The following CSMD1 variants were observed in gnomAD, a reference collection of about 807,000 sequenced individuals.
The protein encoded by CSMD1 is CUB and sushi domain-containing protein 1.
CSMD1 carries 213 observed loss-of-function variants against 417.5 expected under a neutral mutation model. The ratio of observed to expected loss-of-function variants is 0.51; its 90% CI spans 0.46 to 0.57. CSMD1 has a LOEUF of 0.57. Among genes scored for constraint, CSMD1 ranks in the 20% least tolerant of loss-of-function variants. CSMD1 has a pLI of 0.00. For missense variants in CSMD1, 6,923 were observed against 4,529.7 expected (o/e 1.53, Z -15.17); for synonymous variants, 2,862 against 1,736.8 (o/e 1.65, Z -16.11).
intron 1 of CSMD1, among the ~76,000 whole-genome samples, chr8:4,792,961 A>G (rs1395553799): frequency 7.7e-6 from 1 of 130,078 alleles, no homozygotes; most frequent in Non-Finnish European, 1.6e-5. Context: ...TATATGGAAT[A>G]TATGTGTATA....
intron 8 of CSMD1, among the ~76,000 whole-genome samples, chr8:3,611,167 G>C: frequency 6.6e-6 from 1 of 151,548 alleles, no homozygotes; most frequent in Admixed American, 6.6e-5. Flanking sequence ...CACCAGCATG[G>C]CACATGTATA....
At chr8:4,785,858 G>C (rs543226461) in intron 1 of CSMD1, among the ~76,000 whole-genome samples, 1 of 152,240 alleles carries the variant, frequency 6.6e-6, no homozygotes, top group African/African-American at 2.4e-5. Context: ...TGTTCTTCAT[G>C]ATCCTAAGAC....
At chr8:3,212,744 C>G (rs1797686262) in intron 30 of CSMD1, among the ~76,000 whole-genome samples, 1 of 151,838 alleles carries the variant, frequency 6.6e-6, no homozygotes, top group Non-Finnish European at 1.5e-5. Flanking sequence ...AGAGAATGGA[C>G]TTAGAAACAT....
At chr8:3,639,916 C>A (rs1797224028) in intron 7 of CSMD1, among the ~76,000 whole-genome samples, 2 of 151,968 alleles carry the variant, frequency 1.3e-5, no homozygotes. Context: ...TTTTGCTAAC[C>A]CTAGTTAAAA....
intron 3 of CSMD1, among the ~76,000 whole-genome samples, chr8:4,160,934 G>A (rs1040278793): frequency 6.6e-6 from 1 of 152,152 alleles, no homozygotes; most frequent in African/African-American, 2.4e-5. Context: ...TGAGGCCACT[G>A]CATACCTCAT....
At chr8:3,648,727 A>G (rs1797699777) in intron 7 of CSMD1, among the ~76,000 whole-genome samples, 1 of 152,230 alleles carries the variant, frequency 6.6e-6, no homozygotes, top group Admixed American at 6.5e-5. Flanking sequence ...TACAGAAGTT[A>G]CATGGCTCAT....
chr8:4,132,308 G>C (rs576873199), intron 3 of CSMD1, among the ~76,000 whole-genome samples: 11 of 150,324 alleles, frequency 7.3e-5, no homozygotes, highest in Admixed American at 6.0e-4. Context: ...GGTAAACTCA[G>C]ACTGAGCAAG....
At chr8:4,050,865 G>A (rs1206036916) in intron 3 of CSMD1, among the ~76,000 whole-genome samples, 2 of 152,102 alleles carry the variant, frequency 1.3e-5, no homozygotes, top group African/African-American at 2.4e-5. Context: ...ATCTGAAAGG[G>A]CACTTCTAAT....
chr8:4,627,807 T>C (rs1163331778), intron 2 of CSMD1, among the ~76,000 whole-genome samples: 7 of 152,096 alleles, frequency 4.6e-5, no homozygotes, highest in East Asian at 1.9e-4. Flanking sequence ...ATATGAATAG[T>C]ATAGGAATAG....
rs778341175 is a variant in CSMD1, at chr8:2,962,602, C to A, written c.9492G>T (p.Gly3164=). The change falls in exon 61 of 70, where the codon GGG becomes GGT. Residue 3164 remains glycine (G), a synonymous_variant. Transcript: ENST00000635120. ...AGGTGAAACTTTTCCCACTAAGTCG[C>A]CCTTCTGCGGGGATGCCAGGGTCTC... ...FCGDPGIPAE[G]RLSGKSFTYK... is the part of the protein sequence containing the mutation. The A allele has an allele frequency of 1.2e-6, 2 of 1,613,762 alleles. No individual in the cohort carries two copies. Among genetic ancestry groups the A allele is most frequent in the Non-Finnish European group, 8.5e-7 (1 of 1,179,850 alleles).
At chr8:3,812,876 T>C (rs1247169456) in intron 5 of CSMD1, among the ~76,000 whole-genome samples, 1 of 152,204 alleles carries the variant, frequency 6.6e-6, no homozygotes, top group Non-Finnish European at 1.5e-5. Flanking sequence ...GAGGACCAGT[T>C]TAATGACATG....
intron 10 of CSMD1, among the ~76,000 whole-genome samples, chr8:3,503,487 G>C (rs1261818103): frequency 8.5e-5 from 13 of 152,254 alleles, no homozygotes; most frequent in African/African-American, 2.7e-4. Flanking sequence ...GGCGGCATCA[G>C]CTGGCAGGAA....
chr8:3,412,194 A>C lies in CSMD1; in HGVS notation c.1562-2589T>G, dbSNP rs964186205. Among the ~76,000 whole-genome samples the C allele has an allele frequency of 2.0e-5, 3 of 148,520 alleles. 1 individual carries two copies. Among genetic ancestry groups the C allele is most frequent in the African/African-American group, 5.0e-5 (2 of 40,108 alleles). On this transcript the variant is annotated intron_variant, in intron 12 of 69. Transcript: ENST00000635120. ...TATACATATATATACACACATATAC[A>C]TACATACACACACACACACCACTGT...
intron 2 of CSMD1, among the ~76,000 whole-genome samples, chr8:4,473,086 T>G (rs1240513544): frequency 6.6e-6 from 1 of 152,182 alleles, no homozygotes; most frequent in African/African-American, 2.4e-5. Flanking sequence ...CTGAATTATG[T>G]AACATTTTCT....
intron 1 of CSMD1, among the ~76,000 whole-genome samples, chr8:4,743,523 G>A (rs774208161): frequency 6.6e-6 from 1 of 152,268 alleles, no homozygotes; most frequent in South Asian, 2.1e-4. Flanking sequence ...TTGAGTTCAT[G>A]ATGTTCTTTC....
At chr8:4,232,511 T>C (rs1483743157) in intron 3 of CSMD1, among the ~76,000 whole-genome samples, 2 of 152,180 alleles carry the variant, frequency 1.3e-5, no homozygotes, top group African/African-American at 2.4e-5. Flanking sequence ...ACATGTCCTT[T>C]AAATTACACA....
chr8:4,900,645 G>A (rs1585291347), intron 1 of CSMD1, among the ~76,000 whole-genome samples: 1 of 152,162 alleles, frequency 6.6e-6, no homozygotes, highest in African/African-American at 2.4e-5. Context: ...TCCAGCTCCT[G>A]TACTCGCCCT....
intron 5 of CSMD1, among the ~76,000 whole-genome samples, chr8:3,875,033 G>A (rs764040866): frequency 2.0e-5 from 3 of 152,118 alleles, no homozygotes; most frequent in Non-Finnish European, 4.4e-5. Context: ...CACAAAGGCT[G>A]GCATGAGCTG....
chr8:3,830,441 G>A (rs920931356), intron 5 of CSMD1, among the ~76,000 whole-genome samples: 1 of 152,210 alleles, frequency 6.6e-6, no homozygotes, highest in Non-Finnish European at 1.5e-5. Context: ...GTTGACTACT[G>A]TGATTGTTTT....
Sources: allele counts gnomAD v4.1 joint callset (sites outside exome capture counted in the v4.1 genomes callset), GRCh38; gene constraint gnomAD v4.1.1; transcripts MANE v1.5; gene names NCBI Gene and HGNC (gene_info 2026-07-23, HGNC 2026-07-21).